Variants in FHIT observed in about 807,000 individuals in gnomAD.
The protein encoded by FHIT is bis(5'-adenosyl)-triphosphatase.
A neutral mutation model predicts 17.9 loss-of-function variants in FHIT; 19 were observed. The ratio of observed to expected loss-of-function variants is 1.06; its 90% CI spans 0.74 to 1.56. FHIT has a LOEUF of 1.56. Ranked by LOEUF, FHIT falls within the 40% of genes most tolerant of loss-of-function variation. The pLI is 0.00. For synonymous variants in FHIT, 81 were observed against 69.7 expected (o/e 1.16, Z -0.81); for missense variants, 248 against 189.2 (o/e 1.31, Z -1.82).
intron 4 of FHIT, among the ~76,000 whole-genome samples, chr3:60,805,421 A>G (rs1701348664): frequency 6.6e-6 from 1 of 152,026 alleles, no homozygotes; most frequent in Non-Finnish European, 1.5e-5. Context: ...ACCATGTCAC[A>G]TGGTCTTTCC....
chr3:60,551,126 T>C (rs1035654915), intron 4 of FHIT, among the ~76,000 whole-genome samples: 26 of 151,652 alleles, frequency 1.7e-4, no homozygotes, highest in Admixed American at 1.7e-3. Context: ...CTTAGAGGAA[T>C]GGAAAGAAGA....
intron 4 of FHIT, among the ~76,000 whole-genome samples, chr3:60,677,212 G>T (rs2040641571): frequency 6.6e-6 from 1 of 152,122 alleles, no homozygotes; most frequent in Admixed American, 6.6e-5. Flanking sequence ...GGGTACAAGT[G>T]CAGTTTTGTT....
At chr3:60,760,651 C>A (rs1213110131) in intron 4 of FHIT, among the ~76,000 whole-genome samples, 1 of 152,018 alleles carries the variant, frequency 6.6e-6, no homozygotes, top group Admixed American at 6.6e-5. Flanking sequence ...AAAAGTAATG[C>A]CCAGCAAATT....
At chr3:59,906,304 G>T (rs1008504438) in intron 8 of FHIT, among the ~76,000 whole-genome samples, 17 of 152,122 alleles carry the variant, frequency 1.1e-4, no homozygotes, top group Non-Finnish European at 2.2e-4. Flanking sequence ...GACTTCAAGG[G>T]CATTCTTTTC....
intron 4 of FHIT, chr3:60,732,150 G>C (rs2042043017): frequency 1.3e-6 from 1 of 777,144 alleles, no homozygotes; most frequent in Non-Finnish European, 2.2e-6. Context: ...AAACTTAGTA[G>C]AGCTGTCCAC....
intron 5 of FHIT, among the ~76,000 whole-genome samples, chr3:60,397,737 C>T (rs1223551142): frequency 2.0e-5 from 3 of 152,132 alleles, no homozygotes; most frequent in Non-Finnish European, 4.4e-5. Context: ...GCCTGAAAAC[C>T]AAGCTACAGG....
At chr3:60,081,935 G>C (rs955628113) in intron 5 of FHIT, among the ~76,000 whole-genome samples, 1 of 151,418 alleles carries the variant, frequency 6.6e-6, no homozygotes, top group East Asian at 1.9e-4. Context: ...CTACAAACTC[G>C]ATGAGTTCAC....
chr3:60,038,399 A>G (rs988144466), intron 5 of FHIT, among the ~76,000 whole-genome samples: 3 of 152,210 alleles, frequency 2.0e-5, no homozygotes, highest in Admixed American at 6.5e-5. Context: ...TAAGAGTCTG[A>G]TAACACCTAC....
At chr3:59,890,894 A>T (rs540887296) in intron 8 of FHIT, among the ~76,000 whole-genome samples, 1 of 152,262 alleles carries the variant, frequency 6.6e-6, no homozygotes, top group Non-Finnish European at 1.5e-5. Context: ...CTCCCCCCCA[A>T]CACTGGCTCT....
intron 5 of FHIT, among the ~76,000 whole-genome samples, chr3:60,217,149 G>T (rs1247817090): frequency 6.6e-6 from 1 of 152,164 alleles, no homozygotes; most frequent in Non-Finnish European, 1.5e-5. Context: ...AAAATGCGAT[G>T]ATTCTGAAAG....
intron 8 of FHIT, among the ~76,000 whole-genome samples, chr3:59,847,492 T>C (rs1701764861): frequency 6.6e-6 from 1 of 152,198 alleles, no homozygotes; most frequent in African/African-American, 2.4e-5. Flanking sequence ...TTCTTGACTT[T>C]CCCCAATTAT....
At chr3:60,093,785 A>G (rs909338457) in intron 5 of FHIT, among the ~76,000 whole-genome samples, 1 of 152,204 alleles carries the variant, frequency 6.6e-6, no homozygotes, top group African/African-American at 2.4e-5. Flanking sequence ...GAACAGTTTC[A>G]TCCCGAAACC....
At chr3:61,014,395 A>G (rs1301667004) in intron 3 of FHIT, among the ~76,000 whole-genome samples, 1 of 152,116 alleles carries the variant, frequency 6.6e-6, no homozygotes, top group East Asian at 1.9e-4. Context: ...AGGGAGGGAC[A>G]TATTTACAGC....
At chr3:59,784,994 T>A (rs1233352626) in intron 8 of FHIT, among the ~76,000 whole-genome samples, 2 of 151,898 alleles carry the variant, frequency 1.3e-5, no homozygotes, top group African/African-American at 4.8e-5. Flanking sequence ...AAGCTTCCAA[T>A]CATGGTGGAA....
At chr3:59,961,266 C>T (rs988039873) in intron 7 of FHIT, among the ~76,000 whole-genome samples, 2 of 152,022 alleles carry the variant, frequency 1.3e-5, no homozygotes, top group South Asian at 4.2e-4. Flanking sequence ...GAAGCAGTTC[C>T]CAATGTCAAA....
intron 5 of FHIT, among the ~76,000 whole-genome samples, chr3:60,031,145 T>G (rs1191402587): frequency 2.0e-5 from 3 of 152,172 alleles, no homozygotes; most frequent in Non-Finnish European, 2.9e-5. Flanking sequence ...AACAGAGAAA[T>G]GTTGTTTCTA....
intron 1 of FHIT, among the ~76,000 whole-genome samples, chr3:61,239,792 T>TATATATATATATATATATATATATATATA (rs1410189265): frequency 7.0e-6 from 1 of 143,674 alleles, no homozygotes; most frequent in Non-Finnish European, 1.5e-5. Flanking sequence ...TATACACAAA[T>TATATATATATATATATATATATATATATA]TCTAAACAAT....
chr3:59,921,660 C>CTTATATT (rs10662742), intron 8 of FHIT, among the ~76,000 whole-genome samples: 97,321 of 151,508 alleles, frequency 0.64, 31,443 homozygotes, highest in African/African-American at 0.69. Context: ...TTGAAATCAC[C>CTTATATT]TTATAACAGC....
At chr3:60,262,836 T>A (rs924509325) in intron 5 of FHIT, among the ~76,000 whole-genome samples, 1 of 149,976 alleles carries the variant, frequency 6.7e-6, no homozygotes, top group African/African-American at 2.5e-5. Flanking sequence ...TTAGTACATA[T>A]AAAGTACAAA....
Sources: allele counts gnomAD v4.1 joint callset (sites outside exome capture counted in the v4.1 genomes callset), GRCh38; gene constraint gnomAD v4.1.1; transcripts MANE v1.5; gene names NCBI Gene and HGNC (gene_info 2026-07-23, HGNC 2026-07-21).